ANOS1: variants seen among roughly 807,000 people sequenced by gnomAD.
The protein encoded by ANOS1 is anosmin 1, also known as anosmin-1.
In ANOS1, 6 loss-of-function variants were observed where a neutral mutation model predicts 59.0. The observed-to-expected ratio is 0.10, with a 90% confidence interval of 0.06 to 0.20. ANOS1 has a LOEUF of 0.20. ANOS1 is among the 10% of genes least tolerant of loss of function. ANOS1 has a pLI of 1.00. For synonymous variants in ANOS1, 217 were observed against 223.4 expected (o/e 0.97, Z 0.25); for missense variants, 433 against 542.3 (o/e 0.80, Z 2.00).
At chrX:8,610,787 C>T (rs1018038332) in intron 3 of ANOS1, among the ~76,000 whole-genome samples, 15 of 110,795 alleles carry the variant, frequency 1.4e-4, no homozygotes, top group African/African-American at 4.9e-4. Context: ...TCTGAACCCG[C>T]CCCCAAGAAA....
chrX:8,638,843 A>T (rs1163658349), intron 2 of ANOS1, among the ~76,000 whole-genome samples: 3 of 112,037 alleles, frequency 2.7e-5, no homozygotes, highest in Non-Finnish European at 5.6e-5. Flanking sequence ...TAGCTTTGGG[A>T]CAAGTGGGAG....
chrX:8,679,967 C>T (rs1239684699), intron 2 of ANOS1, among the ~76,000 whole-genome samples: 4 of 109,440 alleles, frequency 3.7e-5, no homozygotes, highest in Non-Finnish European at 5.7e-5. Context: ...TTGAGACCAG[C>T]CTGGCCAATG....
intron 4 of ANOS1, 57 bp downstream of exon 4, chrX:8,596,975 GCA>G: frequency 8.3e-7 from 1 of 1,205,092 alleles, no homozygotes; most frequent in Non-Finnish European, 1.1e-6. Context: ...CCTTCCCTAG[GCA>G]CACACAGATA....
At chrX:8,698,996 A>G (rs766836206) in intron 2 of ANOS1, among the ~76,000 whole-genome samples, 1 of 111,745 alleles carries the variant, frequency 8.9e-6, no homozygotes, top group Non-Finnish European at 1.9e-5. Flanking sequence ...TTTATGAAAC[A>G]CTATTATGAT....
At chrX:8,564,520 C>G (rs746438173) in intron 8 of ANOS1, among the ~76,000 whole-genome samples, 2 of 111,452 alleles carry the variant, frequency 1.8e-5, no homozygotes, top group South Asian at 7.6e-4. Flanking sequence ...TTTTTGTTGC[C>G]GTGTTTATAT....
intron 2 of ANOS1, among the ~76,000 whole-genome samples, chrX:8,675,214 T>A (rs2146882845): frequency 9.0e-6 from 1 of 111,533 alleles, no homozygotes; most frequent in Admixed American, 9.6e-5. Flanking sequence ...TTTCAAACAT[T>A]AGGAAGAGAA....
chrX:8,542,418 A>T (rs936362273), intron 9 of ANOS1, among the ~76,000 whole-genome samples: 1 of 110,504 alleles, frequency 9.0e-6, no homozygotes. Context: ...AGTGAGCCTC[A>T]TTCCCTGTAT....
chrX:8,628,357 C>T (rs1392999895), intron 2 of ANOS1, among the ~76,000 whole-genome samples: 1 of 111,968 alleles, frequency 8.9e-6, no homozygotes, highest in East Asian at 2.8e-4. Context: ...TTTACTCAAT[C>T]AAGCAGCCCA....
At chrX:8,613,339 C>T (rs1288180273) in intron 3 of ANOS1, among the ~76,000 whole-genome samples, 3 of 109,629 alleles carry the variant, frequency 2.7e-5, no homozygotes, top group Non-Finnish European at 5.7e-5. Context: ...TCCTGTCTAG[C>T]TGGGACCACA....
intron 3 of ANOS1, 33 bp downstream of exon 3, chrX:8,623,575 C>A: frequency 9.1e-7 from 1 of 1,104,744 alleles, no homozygotes; most frequent in South Asian, 1.9e-5. Flanking sequence ...AGATTTGGGT[C>A]AAGTGTTTTA....
chrX:8,553,817 C>G, intron 9 of ANOS1, 135 bp downstream of exon 9: 1 of 530,242 alleles, frequency 1.9e-6, no homozygotes, highest in South Asian at 2.8e-5. Context: ...TAACCGTCAA[C>G]TCATTCAGAC....
At chrX:8,683,915 G>T (rs1014291976) in intron 2 of ANOS1, among the ~76,000 whole-genome samples, 1 of 111,631 alleles carries the variant, frequency 9.0e-6, no homozygotes, top group Non-Finnish European at 1.9e-5. Flanking sequence ...CAAAGGCTGG[G>T]AGATGTCACC....
At chrX:8,690,636 AAAC>A (rs891934755) in intron 2 of ANOS1, among the ~76,000 whole-genome samples, 2 of 111,739 alleles carry the variant, frequency 1.8e-5, no homozygotes, top group Non-Finnish European at 3.8e-5. Flanking sequence ...ATCTCATACA[AAAC>A]AAAAATTTCC....
chrX:8,729,391 C>CTTT (rs1162458402), intron 1 of ANOS1, among the ~76,000 whole-genome samples: 11 of 72,629 alleles, frequency 1.5e-4, no homozygotes, highest in East Asian at 8.4e-4. Context: ...ACCTTCCTTC[C>CTTT]TTTTTTTTTT....
At chrX:8,675,110 G>T (rs1932315695) in intron 2 of ANOS1, among the ~76,000 whole-genome samples, 1 of 111,172 alleles carries the variant, frequency 9.0e-6, no homozygotes, top group African/African-American at 3.3e-5. Context: ...ATAGGGTCTA[G>T]TTCGTCTGGG....
At chrX:8,692,680 T>C (rs1391570831) in intron 2 of ANOS1, among the ~76,000 whole-genome samples, 1 of 111,539 alleles carries the variant, frequency 9.0e-6, no homozygotes, top group African/African-American at 3.3e-5. Context: ...TCTCTGAAGA[T>C]GAAGGGTCAC....
At chrX:8,599,265 A>C (rs1002805074) in intron 3 of ANOS1, among the ~76,000 whole-genome samples, 1 of 112,204 alleles carries the variant, frequency 8.9e-6, no homozygotes, top group Non-Finnish European at 1.9e-5. Context: ...ATGAACAAGG[A>C]GGACACTTTC....
chrX:8,547,648 C>T (rs1057212149), intron 9 of ANOS1, among the ~76,000 whole-genome samples: 3 of 110,873 alleles, frequency 2.7e-5, no homozygotes, highest in Admixed American at 9.5e-5. Context: ...GGCATAAAGT[C>T]GGTAATTTGT....
At chrX:8,601,281 T>C (rs776416664) in intron 3 of ANOS1, among the ~76,000 whole-genome samples, 1 of 111,253 alleles carries the variant, frequency 9.0e-6, no homozygotes, top group South Asian at 3.8e-4. Flanking sequence ...GTGACTTAGT[T>C]TGCATCATGA....
Sources: gnomAD v4.1 joint callset for allele counts (sites outside exome capture counted in the v4.1 genomes callset) on GRCh38, gnomAD v4.1.1 for gene constraint, MANE v1.5 for transcripts, NCBI Gene and HGNC (gene_info 2026-07-23, HGNC 2026-07-21) for gene names.